Variants in DCDC1 observed in about 807,000 individuals in gnomAD.
DCDC1 encodes the protein doublecortin domain-containing protein 1.
Under a neutral mutation model 178.3 loss-of-function variants are expected in DCDC1, and 200 were observed. The ratio of observed to expected loss-of-function variants is 1.12; its 90% CI spans 1.00 to 1.26. DCDC1 has a LOEUF of 1.26. Ranked by LOEUF, DCDC1 falls within the 50% of genes most tolerant of loss-of-function variation. DCDC1 has a pLI of 0.00. For synonymous variants in DCDC1, 690 were observed against 604.8 expected (o/e 1.14, Z -2.07); for missense variants, 1,983 against 1,749.2 (o/e 1.13, Z -2.38).
Position 31,328,240 on chromosome 11 carries a change from GAT to G in DCDC1, c.39_40del (p.Gln15ValfsTer8). The G allele has an allele frequency of 1.2e-6, 2 of 1,601,472 alleles. No homozygotes were observed. Among genetic ancestry groups the G allele is most frequent in the Non-Finnish European group, 1.7e-6 (2 of 1,171,870 alleles). On this transcript the variant is annotated frameshift_variant, in exon 3 of 39. Coordinates refer to ENST00000684477, the MANE Select transcript of DCDC1 (RefSeq NM_001387274.1). LOFTEE classifies it high-confidence loss of function. ...AGTCAAGAGGGATAAGGAAGACTGAGATAGTGCTTCTCTGTGATCTTCTGCTC... is the reference window on the plus strand; with the variant it reads ...AGTCAAGAGGGATAAGGAAGACTGAGAGTGCTTCTCTGTGATCTTCTGCTC...
chr11:31,045,582 A>G (rs1954791470), intron 20 of DCDC1, among the ~76,000 whole-genome samples: 1 of 152,178 alleles, frequency 6.6e-6, no homozygotes, highest in Non-Finnish European at 1.5e-5. Context: ...TTTAAAAAAC[A>G]TTAACACAAT....
chr11:31,053,883 T>C (rs1393307580), intron 20 of DCDC1, among the ~76,000 whole-genome samples: 2 of 152,074 alleles, frequency 1.3e-5, no homozygotes, highest in East Asian at 1.9e-4. Flanking sequence ...TGGGGAAAAG[T>C]TGAAAACATT....
At position 31,115,990 on chromosome 11, in the gene DCDC1, G is replaced by T. The variant is rs868786741; in HGVS notation, c.1486-5629C>A. Among the ~76,000 whole-genome samples, 7 of 130,224 alleles carry T rather than the reference G, an allele frequency of 5.4e-5. No homozygotes were observed. In the South Asian group the frequency reaches 1.4e-3, roughly 26 times the overall value. The allele number at this position is 130,224 out of a possible 152,430, so 85.4% of individuals were successfully genotyped here. ...GATATAGCTGTGGCAGTGGGGGGGG[G>T]GGGGATGGGTATCTCAGTCCTGAGA... is the stretch of plus-strand genomic sequence containing the variant. On this transcript the variant is annotated intron_variant, in intron 11 of 38. Coordinates refer to ENST00000684477, the MANE Select transcript of DCDC1 (RefSeq NM_001387274.1).
At chr11:31,170,987 C>A (rs1197311546) in intron 9 of DCDC1, among the ~76,000 whole-genome samples, 4 of 152,036 alleles carry the variant, frequency 2.6e-5, no homozygotes, top group African/African-American at 9.7e-5. Flanking sequence ...AGCCACCATG[C>A]CAGGCTAATT....
intron 20 of DCDC1, among the ~76,000 whole-genome samples, chr11:31,049,739 T>C (rs1371997897): frequency 6.6e-6 from 1 of 152,044 alleles, no homozygotes; most frequent in East Asian, 1.9e-4. Context: ...ACACCTTCAG[T>C]GGAGAAGCTG....
In DCDC1 at chr11:31,148,865, C is replaced by A. The variant is rs116299506; in HGVS notation, c.1222-11081G>T. Among the ~76,000 whole-genome samples the A allele has an allele frequency of 1.9e-3, 285 of 152,220 alleles. 3 individuals are homozygous for A. Among genetic ancestry groups the A allele is most frequent in the African/African-American group, 6.5e-3 (271 of 41,532 alleles). On this transcript the variant is annotated intron_variant, in intron 9 of 38. Transcript: ENST00000684477. ...TGTCACCCAAGCAGTATACACTGTG[C>A]CCAATATGTAGTATTTTATCCCTCA...
At chr11:31,078,855 G>C (rs1365557010) in intron 17 of DCDC1, among the ~76,000 whole-genome samples, 2 of 148,644 alleles carry the variant, frequency 1.3e-5, no homozygotes, top group Non-Finnish European at 3.0e-5. Context: ...GGTGTTTCAA[G>C]TTATTCCAAT....
chr11:31,323,874 C>A (rs1420932395), intron 3 of DCDC1, among the ~76,000 whole-genome samples: 1 of 152,090 alleles, frequency 6.6e-6, no homozygotes, highest in African/African-American at 2.4e-5. Flanking sequence ...TGCCCTTTCT[C>A]CAACTTGCTT....
At chr11:31,335,887 T>C (rs1950247849) in intron 1 of DCDC1, among the ~76,000 whole-genome samples, 1 of 152,172 alleles carries the variant, frequency 6.6e-6, no homozygotes, top group Non-Finnish European at 1.5e-5. Context: ...TAAGATTATA[T>C]GGCAGGCCTA....
intron 20 of DCDC1, among the ~76,000 whole-genome samples, chr11:31,057,334 C>T (rs1326363149): frequency 6.6e-6 from 1 of 151,722 alleles, no homozygotes; most frequent in African/African-American, 2.4e-5. Context: ...AAAAAGAAAT[C>T]TCAACAAATA....
intron 8 of DCDC1, among the ~76,000 whole-genome samples, chr11:31,247,860 AT>A (rs897096315): frequency 7.9e-5 from 12 of 152,042 alleles, no homozygotes; most frequent in Admixed American, 6.6e-4. Flanking sequence ...AAATACAAGG[AT>A]TTTGTGAACT....
intron 9 of DCDC1, among the ~76,000 whole-genome samples, chr11:31,236,141 T>C (rs901404062): frequency 2.6e-5 from 4 of 151,776 alleles, no homozygotes; most frequent in Admixed American, 2.6e-4. Context: ...AAATATGTCA[T>C]GGATAAATGA....
intron 17 of DCDC1, among the ~76,000 whole-genome samples, chr11:31,087,802 T>C (rs1328272966): frequency 6.6e-6 from 1 of 152,186 alleles, no homozygotes; most frequent in Non-Finnish European, 1.5e-5. Flanking sequence ...TCTGCTGTTA[T>C]TGAATGCATT....
chr11:31,071,315 A>G (rs1956546202), intron 18 of DCDC1, among the ~76,000 whole-genome samples: 1 of 152,166 alleles, frequency 6.6e-6, no homozygotes, highest in African/African-American at 2.4e-5. Context: ...AATATTCACC[A>G]TTCTAAGTAG....
rs553702859 is a variant in DCDC1, at chr11:31,158,369, G to A, written c.1222-20585C>T. Among the ~76,000 whole-genome samples, 546 of 151,854 alleles carry A rather than the reference G, an allele frequency of 3.6e-3. 1 individual carries two copies. Among genetic ancestry groups the A allele is most frequent in the Middle Eastern group, 6.8e-3 (2 of 294 alleles). On this transcript the variant is annotated intron_variant, in intron 9 of 38. Transcript: ENST00000684477. Reference sequence around the variant, plus strand: ...CCTGACCTTGTGATCTGCCCGCCTCGGCCTCCCAAAGTGCTGGGATTACAG... The same window carrying A: ...CCTGACCTTGTGATCTGCCCGCCTCAGCCTCCCAAAGTGCTGGGATTACAG...
chr11:31,226,953 G>A (rs1172000205), intron 9 of DCDC1, among the ~76,000 whole-genome samples: 1 of 151,906 alleles, frequency 6.6e-6, no homozygotes, highest in Non-Finnish European at 1.5e-5. Context: ...GACGACAACA[G>A]TGGCACAAAG....
intron 17 of DCDC1, among the ~76,000 whole-genome samples, chr11:31,088,312 C>G (rs1280576613): frequency 6.6e-6 from 1 of 151,904 alleles, no homozygotes; most frequent in Non-Finnish European, 1.5e-5. Context: ...ATATTTAATG[C>G]AATTATTGAT....
chr11:31,338,062 G>A (rs755364202), intron 1 of DCDC1, among the ~76,000 whole-genome samples: 1 of 152,124 alleles, frequency 6.6e-6, no homozygotes, highest in South Asian at 2.1e-4. Context: ...CATCAGATGT[G>A]GTCAGGAAGT....
rs1215388412 is a variant in DCDC1, at chr11:30,911,377, A to C, written c.3697T>G (p.Ser1233Ala). ...ACTTCATTTCTAGTCTTGGTCATAG[A>C]CACTGCCAGCACAAGGTCAGGGTTA... is the stretch of plus-strand genomic sequence containing the variant. ...VSNPDLVLAV[S>A]MTKTRNEVCG... is the part of the protein sequence containing the mutation. The change falls in exon 28 of 39, where the codon TCT (serine) becomes GCT (alanine). Residue 1233 changes from serine (S) to alanine (A), a missense_variant. By Grantham distance (99) the Ser-to-Ala change is moderately conservative. Coordinates refer to ENST00000684477, the MANE Select transcript of DCDC1 (RefSeq NM_001387274.1). 1.2e-6 allele frequency: 2 copies of C among 1,605,840 alleles called. No individual in the cohort carries two copies. Among genetic ancestry groups the C allele is most frequent in the African/African-American group, 2.7e-5 (2 of 74,954 alleles).
Sources: gnomAD v4.1 joint callset for allele counts (sites outside exome capture counted in the v4.1 genomes callset) on GRCh38, gnomAD v4.1.1 for gene constraint, MANE v1.5 for transcripts, NCBI Gene and HGNC (gene_info 2026-07-23, HGNC 2026-07-21) for gene names.